Variants in GALNT2 observed in about 807,000 individuals in gnomAD.
GALNT2 encodes the protein polypeptide N-acetylgalactosaminyltransferase 2, also known as UDP-GalNAc:polypeptide N-acetylgalactosaminyltransferase 2.
Under a neutral mutation model 81.4 loss-of-function variants are expected in GALNT2, and 31 were observed. The observed-to-expected ratio is 0.38, with a 90% CI of 0.29 to 0.51. The LOEUF (loss-of-function observed/expected upper bound fraction) is 0.51, where lower values mean the gene tolerates loss of function less well. Among genes scored for constraint, GALNT2 ranks in the 20% least tolerant of loss-of-function variants. The pLI, the probability that GALNT2 is intolerant of heterozygous loss-of-function variation, is 0.87. For missense variants in GALNT2, 629 were observed against 765.7 expected, an observed-to-expected ratio of 0.82 and a Z score of 2.11; for synonymous variants, 303 against 287.4, an observed-to-expected ratio of 1.05 and a Z score of -0.55.
At chr1:230,078,394 A>C (rs991630107) in intron 1 of GALNT2, among the ~76,000 whole-genome samples, 24 of 152,346 alleles carry the variant, frequency 1.6e-4, no homozygotes, top group Non-Finnish European at 2.9e-4. Context: ...AAAAAATTTA[A>C]AAAGATATTT....
In GALNT2 at chr1:230,149,038, G is replaced by A. The variant is rs139464626; in HGVS notation, c.127-29180G>A. On this transcript the variant is annotated intron_variant, in intron 1 of 15. Coordinates refer to ENST00000366672, the MANE Select transcript of GALNT2 (RefSeq NM_004481.5). The stretch of plus-strand genomic sequence containing the variant: ...TGGGACCACAGGCACGTACCACCAC[G>A]CCCAGCTAATTTTTGCATTTTTTGT... Among the ~76,000 whole-genome samples the A allele has an allele frequency of 4.5e-3, 686 of 151,766 alleles. 3 individuals carry two copies. Among genetic ancestry groups the A allele is most frequent in the Middle Eastern group, 0.024 (7 of 294 alleles).
At chr1:230,072,733 C>T (rs1433597530) in intron 1 of GALNT2, among the ~76,000 whole-genome samples, 1 of 152,214 alleles carries the variant, frequency 6.6e-6, no homozygotes, top group African/African-American at 2.4e-5. Context: ...TGCCTTGAGA[C>T]CCCCTGAGTG....
intron 3 of GALNT2, among the ~76,000 whole-genome samples, chr1:230,229,427 G>A (rs1472664494): frequency 6.6e-6 from 1 of 152,216 alleles, no homozygotes; most frequent in South Asian, 2.1e-4. Flanking sequence ...AAAACATGGT[G>A]ATACCTAGGG....
At chr1:230,168,984 G>T (rs1296808522) in intron 1 of GALNT2, among the ~76,000 whole-genome samples, 2 of 151,864 alleles carry the variant, frequency 1.3e-5, no homozygotes, top group Non-Finnish European at 2.9e-5. Context: ...TTCCTTTTTT[G>T]TTATGACCTT....
At chr1:230,238,174 A>G (rs987009248) in intron 6 of GALNT2, among the ~76,000 whole-genome samples, 3 of 152,214 alleles carry the variant, frequency 2.0e-5, no homozygotes, top group African/African-American at 7.2e-5. Context: ...GTGTGTGTAT[A>G]AGATCCCATC....
intron 3 of GALNT2, among the ~76,000 whole-genome samples, chr1:230,222,031 C>CTCTTTTTTTTTTTTTTTTT (rs1553270493): frequency 7.0e-4 from 67 of 96,120 alleles, no homozygotes; most frequent in African/African-American, 2.8e-3. Context: ...CTGCTTTTCT[C>CTCTTTTTTTTTTTTTTTTT]TTTTTTTTTT....
chr1:230,276,133 C>CAT (rs983090294), intron 15 of GALNT2, among the ~76,000 whole-genome samples: 11 of 151,574 alleles, frequency 7.3e-5, no homozygotes, highest in Admixed American at 1.3e-4. Flanking sequence ...CAGATATATA[C>CAT]ATATATATAC....
At chr1:230,133,449 C>CT (rs71934973) in intron 1 of GALNT2, among the ~76,000 whole-genome samples, 7,103 of 140,274 alleles carry the variant, frequency 0.051, 292 homozygotes, top group Admixed American at 0.12. Flanking sequence ...TTTCTTTTTT[C>CT]TTTTTTTTTT....
At chr1:230,113,305 A>G (rs781572531) in intron 1 of GALNT2, among the ~76,000 whole-genome samples, 11 of 152,124 alleles carry the variant, frequency 7.2e-5, no homozygotes, top group Non-Finnish European at 1.2e-4. Flanking sequence ...TCCAGGGCTC[A>G]GTCTTCCTTG....
chr1:230,127,103 C>G (rs972619559), intron 1 of GALNT2, among the ~76,000 whole-genome samples: 15 of 152,200 alleles, frequency 9.9e-5, no homozygotes, highest in African/African-American at 3.6e-4. Context: ...AACAAACGTC[C>G]CCCCCTCCCA....
intron 3 of GALNT2, among the ~76,000 whole-genome samples, chr1:230,214,069 G>T (rs1664311856): frequency 6.6e-6 from 1 of 150,424 alleles, no homozygotes; most frequent in South Asian, 2.1e-4. Context: ...CAGTATGTTG[G>T]CAATGAATTG....
intron 15 of GALNT2, 94 bp downstream of exon 15, chr1:230,274,658 A>G: frequency 6.8e-7 from 1 of 1,477,158 alleles, no homozygotes; most frequent in Non-Finnish European, 9.2e-7. Flanking sequence ...CTCTCAAAGC[A>G]TCCATCTCTG....
chr1:230,254,281 G>A (rs1078484), intron 10 of GALNT2, among the ~76,000 whole-genome samples: 86,434 of 152,008 alleles, frequency 0.57, 27,263 homozygotes, highest in East Asian at 0.9. Flanking sequence ...AGCTTCGACT[G>A]AGTTCCAATG....
intron 1 of GALNT2, among the ~76,000 whole-genome samples, chr1:230,082,707 G>A (rs1225807385): frequency 6.6e-6 from 1 of 152,256 alleles, no homozygotes; most frequent in African/African-American, 2.4e-5. Context: ...GAAGTCATAT[G>A]CATGGAACAT....
intron 1 of GALNT2, among the ~76,000 whole-genome samples, chr1:230,118,421 C>G (rs1660913156): frequency 6.6e-6 from 1 of 152,244 alleles, no homozygotes; most frequent in Non-Finnish European, 1.5e-5. Flanking sequence ...TTGTAAGATC[C>G]TGCCAAACTG....
intron 1 of GALNT2, among the ~76,000 whole-genome samples, chr1:230,111,661 CTT>C (rs1398045370): frequency 6.6e-6 from 1 of 152,200 alleles, no homozygotes; most frequent in African/African-American, 2.4e-5. Flanking sequence ...ACACCTCTCA[CTT>C]TGATTAGCTT....
chr1:230,128,995 G>A (rs990048225), intron 1 of GALNT2, among the ~76,000 whole-genome samples: 1 of 152,234 alleles, frequency 6.6e-6, no homozygotes, highest in African/African-American at 2.4e-5. Context: ...TCTTCCTGAA[G>A]CCCCCGCGAC....
At chr1:230,145,379 G>A (rs566904985) in intron 1 of GALNT2, among the ~76,000 whole-genome samples, 2 of 152,226 alleles carry the variant, frequency 1.3e-5, no homozygotes, top group Admixed American at 1.3e-4. Flanking sequence ...TTCTGAGGGG[G>A]TTTGTCCTGG....
intron 1 of GALNT2, among the ~76,000 whole-genome samples, chr1:230,129,140 T>A (rs913136402): frequency 2.6e-5 from 4 of 152,260 alleles, no homozygotes; most frequent in Non-Finnish European, 2.9e-5. Context: ...CTGTTTCTAA[T>A]CTGGCTCATT....
Sources: allele counts gnomAD v4.1 joint callset (sites outside exome capture counted in the v4.1 genomes callset), GRCh38; gene constraint gnomAD v4.1.1; transcripts MANE v1.5; gene names NCBI Gene and HGNC (gene_info 2026-07-23, HGNC 2026-07-21).